The following LRRC4C variants were observed in gnomAD, a reference collection of about 807,000 sequenced individuals.
LRRC4C encodes leucine rich repeat containing 4C.
A neutral mutation model predicts 33.6 loss-of-function variants in LRRC4C; 5 were observed. The ratio of observed to expected loss-of-function variants is 0.15; its 90% CI spans 0.08 to 0.31. LRRC4C has a LOEUF of 0.31. LRRC4C is among the 10% of genes least tolerant of loss of function. LRRC4C has a pLI of 1.00. For missense variants in LRRC4C, 560 were observed against 796.7 expected, an observed-to-expected ratio of 0.70 and a Z score of 3.58; for synonymous variants, 329 against 302.0, an observed-to-expected ratio of 1.09 and a Z score of -0.93.
intron 2 of LRRC4C, among the ~76,000 whole-genome samples, chr11:40,885,169 T>C (rs1183135322): frequency 2.0e-5 from 3 of 152,120 alleles, no homozygotes; most frequent in African/African-American, 7.2e-5. Flanking sequence ...ACAAATAAAT[T>C]TATTGCTAGT....
intron 1 of LRRC4C, among the ~76,000 whole-genome samples, chr11:41,064,312 T>A (rs981753383): frequency 6.6e-6 from 1 of 152,228 alleles, no homozygotes; most frequent in African/African-American, 2.4e-5. Flanking sequence ...CACCTCTTCC[T>A]TATTAAGCAT....
At chr11:40,450,998 T>A (rs1951857290) in intron 3 of LRRC4C, among the ~76,000 whole-genome samples, 1 of 151,802 alleles carries the variant, frequency 6.6e-6, no homozygotes, top group Non-Finnish European at 1.5e-5. Flanking sequence ...AAACTTATAA[T>A]GTAAGAAAAA....
intron 1 of LRRC4C, among the ~76,000 whole-genome samples, chr11:41,403,023 A>G (rs779978395): frequency 6.6e-6 from 1 of 152,134 alleles, no homozygotes; most frequent in Non-Finnish European, 1.5e-5. Flanking sequence ...AGTGTTCAAC[A>G]GCAAAGAACA....
intron 1 of LRRC4C, among the ~76,000 whole-genome samples, chr11:41,105,053 C>T (rs574582866): frequency 6.6e-6 from 1 of 151,938 alleles, no homozygotes; most frequent in African/African-American, 2.4e-5. Context: ...TTGAACCACA[C>T]ATTTAAAATA....
At chr11:40,562,127 A>G (rs943838864) in intron 3 of LRRC4C, among the ~76,000 whole-genome samples, 1 of 152,230 alleles carries the variant, frequency 6.6e-6, no homozygotes, top group African/African-American at 2.4e-5. Context: ...ATTTCAGTCT[A>G]AACACTTAAA....
At chr11:41,314,968 G>T (rs1293164781) in intron 1 of LRRC4C, among the ~76,000 whole-genome samples, 1 of 152,086 alleles carries the variant, frequency 6.6e-6, no homozygotes, top group African/African-American at 2.4e-5. Context: ...TAACTGGACT[G>T]ATCTTGAGCA....
At chr11:41,133,544 T>C (rs898084371) in intron 1 of LRRC4C, among the ~76,000 whole-genome samples, 34 of 140,790 alleles carry the variant, frequency 2.4e-4, no homozygotes, top group African/African-American at 8.9e-4. Flanking sequence ...AGAGAAACCT[T>C]AAAAACTGAG....
At chr11:41,166,946 A>C (rs962529527) in intron 1 of LRRC4C, among the ~76,000 whole-genome samples, 1 of 152,174 alleles carries the variant, frequency 6.6e-6, no homozygotes, top group Admixed American at 6.5e-5. Flanking sequence ...TGAAGCTTAG[A>C]AAGGCTAAAT....
At chr11:41,057,536 C>A (rs1858718832) in intron 1 of LRRC4C, among the ~76,000 whole-genome samples, 1 of 152,200 alleles carries the variant, frequency 6.6e-6, no homozygotes, top group Non-Finnish European at 1.5e-5. Context: ...GTCCCACAGA[C>A]CAGATTGGGA....
intron 1 of LRRC4C, among the ~76,000 whole-genome samples, chr11:41,443,053 T>G (rs1267566241): frequency 6.6e-6 from 1 of 150,548 alleles, no homozygotes; most frequent in Non-Finnish European, 1.5e-5. Context: ...CTTCTAGTTA[T>G]TTATTTATTT....
chr11:40,341,216 C>T (rs1230380183), intron 3 of LRRC4C, among the ~76,000 whole-genome samples: 1 of 152,110 alleles, frequency 6.6e-6, no homozygotes, highest in East Asian at 1.9e-4. Context: ...ATGATGGTTT[C>T]CAGCTTCATC....
chr11:41,196,175 A>G (rs548660008), intron 1 of LRRC4C, among the ~76,000 whole-genome samples: 98 of 152,248 alleles, frequency 6.4e-4, no homozygotes, highest in South Asian at 1.4e-3. Flanking sequence ...TGAAGTTTAC[A>G]TAAAATCTAA....
intron 1 of LRRC4C, among the ~76,000 whole-genome samples, chr11:41,085,928 CAAA>C (rs10717008): frequency 2.1e-3 from 165 of 80,190 alleles, no homozygotes; most frequent in African/African-American, 7.3e-3. Context: ...TTTAAGACAC[CAAA>C]AAAAAAAAAA....
At chr11:40,477,928 T>C (rs1245344909) in intron 3 of LRRC4C, among the ~76,000 whole-genome samples, 1 of 152,162 alleles carries the variant, frequency 6.6e-6, no homozygotes, top group Admixed American at 6.6e-5. Flanking sequence ...AGGTCTTTTC[T>C]GTGCAGTTCT....
At chr11:40,751,379 C>T (rs1948685716) in intron 2 of LRRC4C, among the ~76,000 whole-genome samples, 1 of 152,000 alleles carries the variant, frequency 6.6e-6, no homozygotes, top group Non-Finnish European at 1.5e-5. Flanking sequence ...AAAGACTCCA[C>T]CAAAAAACTC....
intron 1 of LRRC4C, among the ~76,000 whole-genome samples, chr11:41,068,225 T>C (rs944563717): frequency 6.6e-6 from 1 of 152,096 alleles, no homozygotes; most frequent in Non-Finnish European, 1.5e-5. Flanking sequence ...AAACCCTGTG[T>C]CTATTAAAAA....
intron 2 of LRRC4C, among the ~76,000 whole-genome samples, chr11:40,887,890 T>C (rs1955535525): frequency 1.3e-5 from 2 of 151,998 alleles, no homozygotes; most frequent in South Asian, 4.1e-4. Context: ...TAATTAACAT[T>C]ATAATGGAAA....
In LRRC4C at chr11:40,323,156, C is replaced by T. The variant is rs145961921; in HGVS notation, c.-269-3435G>A. Among the ~76,000 whole-genome samples the T allele has an allele frequency of 2.9e-3, 441 of 152,242 alleles. 2 individuals are homozygous for T. Among genetic ancestry groups the T allele is most frequent in the African/African-American group, 0.01 (420 of 41,512 alleles). ...AATTGCACTCAAAGGCAGAAGTTCT[C>T]ATAGCTTCTCATAGCTAAACGTTGT... On this transcript the variant is annotated intron_variant, in intron 3 of 6. Coordinates refer to ENST00000528697, the MANE Select transcript of LRRC4C (RefSeq NM_001258419.2).
At chr11:41,265,365 C>G (rs1203080631) in intron 1 of LRRC4C, among the ~76,000 whole-genome samples, 1 of 151,972 alleles carries the variant, frequency 6.6e-6, no homozygotes, top group Non-Finnish European at 1.5e-5. Flanking sequence ...GAGGACTGGG[C>G]TGGTTAAAGT....
Sources: allele counts gnomAD v4.1 joint callset (sites outside exome capture counted in the v4.1 genomes callset), GRCh38; gene constraint gnomAD v4.1.1; transcripts MANE v1.5; gene names NCBI Gene and HGNC (gene_info 2026-07-23, HGNC 2026-07-21).